The following CKAP2L variants were observed in gnomAD, a reference collection of about 807,000 sequenced individuals.
CKAP2L encodes the protein cytoskeleton associated protein 2L, also known as cytoskeleton-associated protein 2-like.
CKAP2L carries 42 observed loss-of-function variants against 65.7 expected under a neutral mutation model. The observed-to-expected ratio is 0.64, with a 90% CI of 0.50 to 0.83. CKAP2L has a LOEUF of 0.83. CKAP2L is among the 40% of genes least tolerant of loss of function. CKAP2L has a pLI of 0.00. For missense variants in CKAP2L, 908 were observed against 871.0 expected (o/e 1.04, Z -0.53); for synonymous variants, 325 against 313.5 (o/e 1.04, Z -0.39).
In CKAP2L at chr2:112,739,059, G is replaced by A; in HGVS notation, c.2013-11C>T. The A allele has an allele frequency of 6.3e-7, 1 of 1,577,876 alleles. No individual in the cohort carries two copies. The highest frequency in any genetic ancestry group is 8.7e-7 in the Non-Finnish European group (1 of 1,149,100). ...GGCATCCCATTTATTCTGAGAGACA[G>A]CAAGAGATGCATTAAAAACCTTATC... is the stretch of plus-strand genomic sequence containing the variant. On this transcript the variant is annotated splice_polypyrimidine_tract_variant and intron_variant, in intron 8 of 8. Transcript: ENST00000302450.
At position 112,752,361 on chromosome 2, in the gene CKAP2L, C is replaced by T; in HGVS notation, c.1508G>A (p.Ser503Asn). 2 of 1,613,314 alleles carry T rather than the reference C, an allele frequency of 1.2e-6. No homozygotes were observed. The highest frequency in any genetic ancestry group is 2.2e-5 in the South Asian group (2 of 91,046). The change falls in exon 5 of 9, where the codon AGC (serine) becomes AAC (asparagine). Residue 503 changes from serine (S) to asparagine (N), a missense_variant. Coordinates refer to ENST00000302450, the MANE Select transcript of CKAP2L (RefSeq NM_152515.5). ...CTTTTCTTCCTCTTCTTTTTCAATGCTCTTCCAGAATGAAATATTCATTTC... is the reference window on the plus strand; with the variant it reads ...CTTTTCTTCCTCTTCTTTTTCAATGTTCTTCCAGAATGAAATATTCATTTC... The part of the protein sequence containing the change: ...IKEMNISFWK[S>N]IEKEEEEKKA...
Position 112,756,363 on chromosome 2 carries a change from G to A in CKAP2L, c.1008C>T (p.Tyr336=). 4 of 1,613,690 alleles carry A rather than the reference G, an allele frequency of 2.5e-6. No individual in the cohort carries two copies. The highest frequency in any genetic ancestry group is 1.3e-5 in the African/African-American group (1 of 75,028). The change falls in exon 4 of 9, where the codon TAC becomes TAT. Residue 336 remains tyrosine, a synonymous_variant. Coordinates refer to ENST00000302450, the MANE Select transcript of CKAP2L (RefSeq NM_152515.5). ...TATATTCACCCTGAAGCAAACTGGGGTATGTTCTGGGTTTGGTGTGCTTCA... is the reference window on the plus strand; with the variant it reads ...TATATTCACCCTGAAGCAAACTGGGATATGTTCTGGGTTTGGTGTGCTTCA... The part of the protein sequence containing the change: ...QRVKHTKPRT[Y]PSLLQGEYNN...
At chr2:112,751,654 G>C (rs1194489445) in intron 5 of CKAP2L, among the ~76,000 whole-genome samples, 3 of 151,970 alleles carry the variant, frequency 2.0e-5, no homozygotes, top group African/African-American at 7.3e-5. Context: ...TTTTTTTGCT[G>C]ATGTTCAACA....
At chr2:112,764,479 C>A in intron 1 of CKAP2L, 83 bp downstream of exon 1, 1 of 1,477,404 alleles carries the variant, frequency 6.8e-7, no homozygotes, top group Non-Finnish European at 9.5e-7. Flanking sequence ...GCACCTCCCG[C>A]GGGACGAACT....
Position 112,760,749 on chromosome 2 carries a change from G to C in CKAP2L, c.120C>G (p.Ser40=). The C allele has an allele frequency of 6.6e-7, 1 of 1,514,300 alleles. No homozygotes were observed. Among genetic ancestry groups the C allele is most frequent in the Non-Finnish European group, 9.1e-7 (1 of 1,102,986 alleles). 93.8% of individuals were successfully genotyped at this position (1,514,300 alleles called of 1,614,324 possible). A position where few individuals can be genotyped will look rare whatever the true frequency, so the allele number is the denominator to read the frequency against. ...KSQNTKPYLK[S]KNNCQNQPPS... is the part of the protein sequence containing the mutation. ...GTGGTTGATTCTGGCAATTATTCTTGGATTTTAGATAAGGCCTATAAAAGA... is the reference window on the plus strand; with the variant it reads ...GTGGTTGATTCTGGCAATTATTCTTCGATTTTAGATAAGGCCTATAAAAGA... The change falls in exon 3 of 9, where the codon TCC becomes TCG. Residue 40 remains serine (S), a synonymous_variant. Transcript: ENST00000302450.
chr2:112,762,478 CG>C, intron 2 of CKAP2L, 24 bp downstream of exon 2: 1 of 1,599,216 alleles, frequency 6.3e-7, no homozygotes, highest in Non-Finnish European at 8.6e-7. Flanking sequence ...ACAAAACTTG[CG>C]TAACTGTGGA....
At chr2:112,760,408 G>A (rs1424894702) in intron 3 of CKAP2L, among the ~76,000 whole-genome samples, 1 of 152,198 alleles carries the variant, frequency 6.6e-6, no homozygotes, top group African/African-American at 2.4e-5. Flanking sequence ...TCATAAGATT[G>A]TGAGGACTCA....
chr2:112,747,215 C>T (rs920825059), intron 5 of CKAP2L, among the ~76,000 whole-genome samples: 2 of 151,798 alleles, frequency 1.3e-5, no homozygotes, highest in Admixed American at 6.6e-5. Flanking sequence ...CTTAGCCTCT[C>T]GAGTAGCTGA....
In CKAP2L at chr2:112,756,994, G is replaced by C; in HGVS notation, c.377C>G (p.Ala126Gly). 1 of 1,614,206 alleles carries C rather than the reference G, an allele frequency of 6.2e-7. No homozygotes were observed. Among genetic ancestry groups the C allele is most frequent in the Non-Finnish European group, 8.5e-7 (1 of 1,180,036 alleles). ...CAGTTCTCCTGTTGTGGACGATCCAGCTTCACACTGTTGAAAACTCTTGCT... is the reference window on the plus strand; with the variant it reads ...CAGTTCTCCTGTTGTGGACGATCCACCTTCACACTGTTGAAAACTCTTGCT... ...PSSKSFQQCE[A>G]GSSTTGELSR... Residue 126 changes from alanine to glycine, a missense_variant, in exon 4 of 9, where the codon GCT becomes GGT. Ala to Gly is a moderately conservative substitution (Grantham distance 60). Transcript: ENST00000302450.
rs112812616 is a variant in CKAP2L, at chr2:112,760,262, A to G, written c.156+451T>C. Among the ~76,000 whole-genome samples, 1,294 of 152,314 alleles carry G rather than the reference A, an allele frequency of 8.5e-3. 11 individuals are homozygous for G. The highest frequency in any genetic ancestry group is 0.014 in the South Asian group (69 of 4,822). On this transcript the variant is annotated intron_variant, in intron 3 of 8. Transcript: ENST00000302450. ...GTTCTCTTTTAATGACTACTGAGCTATTTAACTTCATGGCAGCATACCAAA... is the reference window on the plus strand; with the variant it reads ...GTTCTCTTTTAATGACTACTGAGCTGTTTAACTTCATGGCAGCATACCAAA...
chr2:112,753,020 A>G (rs1680423242), intron 4 of CKAP2L, among the ~76,000 whole-genome samples: 1 of 152,186 alleles, frequency 6.6e-6, no homozygotes, highest in Non-Finnish European at 1.5e-5. Flanking sequence ...GATAGTGCCA[A>G]GTGTCCCCCA....
intron 4 of CKAP2L, among the ~76,000 whole-genome samples, chr2:112,754,483 G>T (rs766180640): frequency 5.3e-5 from 8 of 152,066 alleles, no homozygotes; most frequent in Non-Finnish European, 1.0e-4. Context: ...AATCATAAAC[G>T]AAGAGTGAAC....
rs1406079385 is a variant in CKAP2L at position 112,737,923 on chromosome 2, C to G, written c.*900G>C. ...AGATAATACTTAAATATTAAGAAAGCTAAAATTTAAAATGTGTTGACTAGG... is the reference window on the plus strand; with the variant it reads ...AGATAATACTTAAATATTAAGAAAGGTAAAATTTAAAATGTGTTGACTAGG... On this transcript the variant is annotated 3_prime_UTR_variant, in exon 9 of 9. Transcript: ENST00000302450. 6.6e-6 allele frequency: 1 copy of G among 152,106 alleles called. No homozygotes were observed. Among genetic ancestry groups the G allele is most frequent in the Non-Finnish European group, 1.5e-5 (1 of 68,016 alleles). The allele number at this position is 152,106 out of a possible 1,614,324, so 9.4% of individuals were successfully genotyped here.
In CKAP2L at chr2:112,756,938, C is replaced by T. The variant is rs780921901; in HGVS notation, c.433G>A (p.Glu145Lys). 3.7e-6 allele frequency: 6 copies of T among 1,614,210 alleles called. No homozygotes were observed. The South Asian group carries it at 4.4e-5, about 12-fold the overall frequency. The change falls in exon 4 of 9, where the codon GAG becomes AAG. Residue 145 changes from glutamate (E) to lysine (K), a missense_variant. Coordinates refer to ENST00000302450, the MANE Select transcript of CKAP2L (RefSeq NM_152515.5). Reference protein sequence around the residue: ...SRKPVGSLNIEQLKTTKQQLT... With the variant: ...SRKPVGSLNIKQLKTTKQQLT... ...TGCTGCTTTGTAGTTTTCAATTGCT[C>T]TATATTAAGTGACCCCACAGGTTTT...
At chr2:112,739,413 C>A (rs1466423188) in intron 8 of CKAP2L, among the ~76,000 whole-genome samples, 1 of 152,004 alleles carries the variant, frequency 6.6e-6, no homozygotes, top group East Asian at 1.9e-4. Flanking sequence ...ATGGCAAGAC[C>A]CCAGTCTCAA....
rs770422845 is a variant in CKAP2L at position 112,746,464 on chromosome 2, C to T, written c.1714G>A (p.Asp572Asn). The T allele has an allele frequency of 1.2e-6, 2 of 1,613,242 alleles. No homozygotes were observed. The highest frequency in any genetic ancestry group is 1.7e-6 in the Non-Finnish European group (2 of 1,179,392). ...AKLLASKGTF[D>N]VIGLYEEAIK... ...GCCTCTTCATATAGCCCAATAACAT[C>T]AAAGGTGCCTTTACTTGCCAACAAC... The change falls in exon 6 of 9, where the codon GAT becomes AAT. Residue 572 changes from aspartate to asparagine, a missense_variant. By Grantham distance (23) the Asp-to-Asn change is conservative. Coordinates refer to ENST00000302450, the MANE Select transcript of CKAP2L (RefSeq NM_152515.5).
chr2:112,752,745 G>A (rs993381401), intron 4 of CKAP2L, among the ~76,000 whole-genome samples: 2 of 152,026 alleles, frequency 1.3e-5, no homozygotes, highest in African/African-American at 2.4e-5. Flanking sequence ...ATTTTTCTCG[G>A]AAAGTTTTCA....
At chr2:112,760,810 A>C in intron 2 of CKAP2L, 46 bp from the exon 3 acceptor site, 1 of 1,015,530 alleles carries the variant, frequency 9.8e-7, no homozygotes, top group Non-Finnish European at 1.5e-6. Flanking sequence ...GAAGGATTCT[A>C]AGCTAAGCTT....
rs1025758784 is a variant in CKAP2L at position 112,756,328 on chromosome 2, T to C, written c.1043A>G (p.His348Arg). ...CTTCTGATCTTGCTTGATGTTTGGATGTCTGTTGTTATATTCACCCTGAAG... is the reference window on the plus strand; with the variant it reads ...CTTCTGATCTTGCTTGATGTTTGGACGTCTGTTGTTATATTCACCCTGAAG... ...SLLQGEYNNRHPNIKQDQKSS... is the reference protein window; with the variant it reads ...SLLQGEYNNRRPNIKQDQKSS... Residue 348 changes from histidine (H) to arginine (R), a missense_variant, in exon 4 of 9, where the codon CAT becomes CGT. Physicochemically the swap from His to Arg is conservative, Grantham distance 29. Transcript: ENST00000302450. 1.9e-6 allele frequency: 3 copies of C among 1,613,796 alleles called. No individual in the cohort carries two copies. Among genetic ancestry groups the C allele is most frequent in the African/African-American group, 1.3e-5 (1 of 75,052 alleles).
Sources: allele counts gnomAD v4.1 joint callset (sites outside exome capture counted in the v4.1 genomes callset), GRCh38; gene constraint gnomAD v4.1.1; transcripts MANE v1.5; gene names NCBI Gene and HGNC (gene_info 2026-07-23, HGNC 2026-07-21).